The following NMNAT3 variants were observed in gnomAD, a reference collection of about 807,000 sequenced individuals.
NMNAT3 encodes the protein nicotinamide nucleotide adenylyltransferase 3, also known as nicotinamide/nicotinic acid mononucleotide adenylyltransferase 3.
A neutral mutation model predicts 24.8 loss-of-function variants in NMNAT3; 21 were observed. The ratio of observed to expected loss-of-function variants is 0.85; its 90% CI spans 0.60 to 1.22. The LOEUF is 1.22. Among genes scored for constraint, NMNAT3 ranks in the 50% most tolerant of loss-of-function variants. The pLI, the probability that NMNAT3 is intolerant of heterozygous loss-of-function variation, is 0.00. For synonymous variants in NMNAT3, 136 were observed against 155.2 expected (o/e 0.88, Z 0.92); for missense variants, 387 against 436.6 (o/e 0.89, Z 1.01).
At chr3:139,580,561 T>C (rs761863030) in intron 4 of NMNAT3, among the ~76,000 whole-genome samples, 14 of 152,282 alleles carry the variant, frequency 9.2e-5, no homozygotes, top group South Asian at 4.2e-4. Context: ...GAGAGAGCAG[T>C]GGTGTTGCAC....
chr3:139,565,346 AG>A (rs919859853), intron 6 of NMNAT3: 61 of 152,230 alleles, frequency 4.0e-4, no homozygotes, highest in African/African-American at 1.5e-3. Flanking sequence ...TGAAAAACAT[AG>A]TTTTCTTTTT....
intron 4 of NMNAT3, chr3:139,582,884 TGGAG>T (rs1476735083): frequency 1.6e-6 from 2 of 1,235,934 alleles, no homozygotes; most frequent in African/African-American, 1.6e-5. Flanking sequence ...CAAAATAAGT[TGGAG>T]GGAGGAGCAG....
intron 3 of NMNAT3, 125 bp downstream of exon 4, chr3:139,627,491 A>G: frequency 1.7e-6 from 1 of 574,304 alleles, no homozygotes; most frequent in Admixed American, 3.2e-5. Flanking sequence ...GATGAAAAAA[A>G]TATGCCACTA....
intron 3 of NMNAT3, among the ~76,000 whole-genome samples, chr3:139,600,449 G>A (rs1410396104): frequency 1.3e-5 from 2 of 151,988 alleles, no homozygotes; most frequent in African/African-American, 4.8e-5. Flanking sequence ...GGGATTACAG[G>A]CACCCACCAC....
chr3:139,648,591 G>A (rs536640602), intron 1 of NMNAT3, among the ~76,000 whole-genome samples: 51 of 152,352 alleles, frequency 3.3e-4, no homozygotes, highest in African/African-American at 1.2e-3. Flanking sequence ...AGTTTCGATA[G>A]GGATGTGTAG....
intron 1 of NMNAT3, among the ~76,000 whole-genome samples, chr3:139,668,161 C>A (rs1311908928): frequency 6.6e-6 from 1 of 152,010 alleles, no homozygotes; most frequent in Admixed American, 6.6e-5. Context: ...AAAGAAGAAA[C>A]AATGAGGGAA....
chr3:139,577,596 T>TC (rs1559866743), intron 5 of NMNAT3, among the ~76,000 whole-genome samples: 2 of 152,314 alleles, frequency 1.3e-5, no homozygotes, highest in East Asian at 3.9e-4. Flanking sequence ...TTGCTTCTAT[T>TC]CCCCCTCTCT....
chr3:139,673,270 C>T (rs985938015), intron 1 of NMNAT3, among the ~76,000 whole-genome samples: 22 of 152,174 alleles, frequency 1.4e-4, no homozygotes, highest in African/African-American at 3.6e-4. Context: ...AGATGTATGA[C>T]GCTGAGAACT....
intron 1 of NMNAT3, among the ~76,000 whole-genome samples, chr3:139,662,146 C>T (rs939856776): frequency 6.6e-6 from 1 of 152,120 alleles, no homozygotes; most frequent in Non-Finnish European, 1.5e-5. Context: ...CTCTCATTCC[C>T]ACAGGTTCAC....
chr3:139,645,561 G>A (rs935635295), intron 1 of NMNAT3, among the ~76,000 whole-genome samples: 6 of 152,106 alleles, frequency 3.9e-5, no homozygotes, highest in Non-Finnish European at 5.9e-5. Context: ...TCGCATGACC[G>A]CTGTTGCAGC....
chr3:139,582,639 CAAA>C (rs58495559), intron 4 of NMNAT3, among the ~76,000 whole-genome samples: 1 of 57,476 alleles, frequency 1.7e-5, no homozygotes, highest in Non-Finnish European at 2.8e-5. Flanking sequence ...GGGACTGTCT[CAAA>C]AAAAAAAAAA....
chr3:139,668,111 T>A (rs1160261778), intron 1 of NMNAT3, among the ~76,000 whole-genome samples: 2 of 151,910 alleles, frequency 1.3e-5, no homozygotes, highest in Non-Finnish European at 2.9e-5. Flanking sequence ...GATGCCCCAC[T>A]AAAAATGCCA....
chr3:139,583,105 A>G lies in NMNAT3; in HGVS notation c.213T>C (p.Asn71=), dbSNP rs1576570300. 7 of 1,550,308 alleles carry G rather than the reference A, an allele frequency of 4.5e-6. No homozygotes were observed. In the East Asian group the frequency reaches 1.1e-4, roughly 25 times the overall value. The stretch of plus-strand genomic sequence containing the variant: ...CAGGGTCATCATTTTTGCTGCTAAC[A>G]TTATTTTGAATCCTTTTTTGCAGAT... Residue 71 remains asparagine, a synonymous_variant, in exon 4 of 7, where the codon AAT becomes AAC. Transcript: ENST00000643695.
At chr3:139,626,947 A>T (rs570334431) in intron 3 of NMNAT3, among the ~76,000 whole-genome samples, 1 of 152,202 alleles carries the variant, frequency 6.6e-6, no homozygotes, top group Non-Finnish European at 1.5e-5. Flanking sequence ...TAAATATACA[A>T]GTAAATAATT....
chr3:139,585,438 C>A (rs2053899191), intron 3 of NMNAT3, among the ~76,000 whole-genome samples: 2 of 152,038 alleles, frequency 1.3e-5, no homozygotes, highest in South Asian at 4.2e-4. Context: ...TCATACAATG[C>A]CAGTTTCAAA....
rs191104755 is a variant in NMNAT3 at position 139,563,709 on chromosome 3, C to T, written c.659-2317G>A. ...AACATGGGCCTCAGACTTCTAATTCCTGGCAGTCCTGTCTTCAGGGCTCAC... is the reference window on the plus strand; with the variant it reads ...AACATGGGCCTCAGACTTCTAATTCTTGGCAGTCCTGTCTTCAGGGCTCAC... On this transcript the variant is annotated intron_variant, in intron 6 of 6. Coordinates refer to ENST00000643695, the MANE Select transcript of NMNAT3 (RefSeq NM_001320510.2). Among the ~76,000 whole-genome samples the T allele has an allele frequency of 3.3e-5, 5 of 152,306 alleles. No homozygotes were observed. In the East Asian group the frequency reaches 9.7e-4, roughly 29 times the overall value.
At chr3:139,665,807 A>G (rs2057562506) in intron 1 of NMNAT3, among the ~76,000 whole-genome samples, 2 of 152,126 alleles carry the variant, frequency 1.3e-5, no homozygotes, top group South Asian at 4.2e-4. Flanking sequence ...AAGTGAAAAA[A>G]AAAGCAAAAT....
At chr3:139,592,020 C>G (rs544383296) in intron 3 of NMNAT3, among the ~76,000 whole-genome samples, 1 of 152,224 alleles carries the variant, frequency 6.6e-6, no homozygotes, top group South Asian at 2.1e-4. Context: ...CAAATTACTC[C>G]AAGCTACGGG....
chr3:139,625,914 T>C (rs1410135074), intron 3 of NMNAT3, among the ~76,000 whole-genome samples: 1 of 152,168 alleles, frequency 6.6e-6, no homozygotes, highest in Non-Finnish European at 1.5e-5. Flanking sequence ...TTGCCAGATA[T>C]GGAATGGATA....
Sources: allele counts gnomAD v4.1 joint callset (sites outside exome capture counted in the v4.1 genomes callset), GRCh38; gene constraint gnomAD v4.1.1; transcripts MANE v1.5; gene names NCBI Gene and HGNC (gene_info 2026-07-23, HGNC 2026-07-21).